CUX2: variants seen among roughly 807,000 people sequenced by gnomAD.
The protein encoded by CUX2 is cut like homeobox 2.
A neutral mutation model predicts 144.8 loss-of-function variants in CUX2; 40 were observed. The ratio of observed to expected loss-of-function variants is 0.28; its 90% confidence interval spans 0.21 to 0.36. The LOEUF (loss-of-function observed/expected upper bound fraction) is 0.36. Ranked by LOEUF, CUX2 falls within the 10% of genes least tolerant of loss-of-function variation. The pLI, the probability that CUX2 is intolerant of heterozygous loss-of-function variation, is 1.00. For synonymous variants in CUX2, 827 were observed against 875.6 expected (o/e 0.94, Z 0.98); for missense variants, 1,615 against 1,994.0 (o/e 0.81, Z 3.62).
chr12:111,283,123 TG>T (rs1361373609), intron 4 of CUX2, among the ~76,000 whole-genome samples: 1 of 151,126 alleles, frequency 6.6e-6, no homozygotes, highest in Non-Finnish European at 1.5e-5. Context: ...GAGGCTGAGG[TG>T]GGAGAATCAC....
intron 3 of CUX2, among the ~76,000 whole-genome samples, chr12:111,243,145 G>GA (rs1565869052): frequency 6.6e-6 from 1 of 151,916 alleles, no homozygotes; most frequent in African/African-American, 2.4e-5. Flanking sequence ...CTTTATTATG[G>GA]AAAAAATCCA....
intron 3 of CUX2, among the ~76,000 whole-genome samples, chr12:111,234,459 G>A (rs914052275): frequency 3.9e-5 from 6 of 152,124 alleles, no homozygotes; most frequent in Admixed American, 6.5e-5. Flanking sequence ...CATGCCCAAG[G>A]TCCACTTAAA....
Position 111,304,635 on chromosome 12 carries a change from C to T in CUX2, c.858+321C>T, listed in dbSNP as rs1015466699. On this transcript the variant is annotated intron_variant, in intron 10 of 21. Coordinates refer to ENST00000261726, the MANE Select transcript of CUX2 (RefSeq NM_015267.4). This position sits in a 1 kb window ranked among gnomAD's most constrained non-coding sequence, Gnocchi z 4.7. Reference sequence around the variant, plus strand: ...CCCAATTATCCAAGAATGCCAGGAACTTCCTCAGACCAAAGATCATTCTGA... The same window carrying T: ...CCCAATTATCCAAGAATGCCAGGAATTTCCTCAGACCAAAGATCATTCTGA... 7.2e-5 allele frequency among the ~76,000 whole-genome samples: 11 copies of T among 152,194 alleles called. No homozygotes were observed. The highest frequency in any genetic ancestry group is 1.2e-4 in the African/African-American group (5 of 41,442).
At chr12:111,175,410 G>A (rs1210048526) in intron 1 of CUX2, among the ~76,000 whole-genome samples, 1 of 148,620 alleles carries the variant, frequency 6.7e-6, no homozygotes, top group Admixed American at 6.7e-5. Context: ...TCCTCAAAGT[G>A]GTGAGAAACA....
chr12:111,347,588 G>T lies in CUX2; in HGVS notation c.3724G>T (p.Gly1242Trp). The change falls in exon 22 of 22, where the codon GGG becomes TGG. Residue 1242 changes from glycine (G) to tryptophan (W), a missense_variant. This residue lies in a region of CUX2 where 298 missense variants were observed against 330.4 expected (regional missense o/e 0.90). Coordinates refer to ENST00000261726, the MANE Select transcript of CUX2 (RefSeq NM_015267.4). ...GGATGAGCCAGACCTTGATCCAAGC[G>T]GGGGTCCTGGAATCCTACCGCCAGG... ...TQDEPDLDPS[G>W]GPGILPPGHS... The T allele has an allele frequency of 1.2e-6, 2 of 1,613,374 alleles. No individual in the cohort carries two copies. Among genetic ancestry groups the T allele is most frequent in the East Asian group, 2.2e-5 (1 of 44,856 alleles).
At chr12:111,095,094 A>G (rs1489328588) in intron 1 of CUX2, among the ~76,000 whole-genome samples, 1 of 152,038 alleles carries the variant, frequency 6.6e-6, no homozygotes, top group African/African-American at 2.4e-5. Flanking sequence ...CAGATACCCC[A>G]TAGCATCTCT....
intron 1 of CUX2, among the ~76,000 whole-genome samples, chr12:111,208,467 G>A (rs564252233): frequency 1.3e-5 from 2 of 152,296 alleles, no homozygotes; most frequent in Non-Finnish European, 2.9e-5. Context: ...AAACCCAGAC[G>A]AATTGAGAAT....
At chr12:111,197,511 C>T (rs1008263658) in intron 1 of CUX2, among the ~76,000 whole-genome samples, 2 of 152,216 alleles carry the variant, frequency 1.3e-5, no homozygotes, top group South Asian at 2.1e-4. Flanking sequence ...TGAATAAATG[C>T]GTACATGCTA....
chr12:111,074,412 A>G (rs1381244314), intron 1 of CUX2, among the ~76,000 whole-genome samples: 2 of 152,058 alleles, frequency 1.3e-5, no homozygotes, highest in Admixed American at 6.5e-5. Context: ...CCACCCGCCT[A>G]TTTCGCTAAA....
Position 111,310,741 on chromosome 12 carries a change from G to T in CUX2, c.1900+59G>T, listed in dbSNP as rs968193380. Reference sequence around the variant, plus strand: ...ACCACGCCAGGTCCAGGGCATCAGGGCTGGGGGCTGAGGACACGCGCTCTG... The same window carrying T: ...ACCACGCCAGGTCCAGGGCATCAGGTCTGGGGGCTGAGGACACGCGCTCTG... On this transcript the variant is annotated intron_variant, in intron 15 of 21. Coordinates refer to ENST00000261726, the MANE Select transcript of CUX2 (RefSeq NM_015267.4). This position sits in a 1 kb window ranked among gnomAD's most constrained non-coding sequence, Gnocchi z 7.9. 11 of 1,522,718 alleles carry T rather than the reference G, an allele frequency of 7.2e-6. No individual in the cohort carries two copies. In the Admixed American group the frequency reaches 7.6e-5, roughly 10 times the overall value. 94.3% of individuals were successfully genotyped at this position (1,522,718 alleles called of 1,614,324 possible).
chr12:111,078,782 C>T (rs1184895052), intron 1 of CUX2, among the ~76,000 whole-genome samples: 1 of 152,144 alleles, frequency 6.6e-6, no homozygotes. Context: ...TGGAAAAGGT[C>T]ACTCAGAGGC....
At chr12:111,177,951 C>T (rs1043959474) in intron 1 of CUX2, among the ~76,000 whole-genome samples, 5 of 152,190 alleles carry the variant, frequency 3.3e-5, no homozygotes, top group East Asian at 1.9e-4. Flanking sequence ...ATGCCCAGCG[C>T]GTAGTAAGCA....
At chr12:111,055,960 G>A (rs1592852950) in intron 1 of CUX2, among the ~76,000 whole-genome samples, 2 of 152,212 alleles carry the variant, frequency 1.3e-5, no homozygotes, top group South Asian at 2.1e-4. Flanking sequence ...ACTTAGCTGC[G>A]TGGCTCTCAG....
intron 1 of CUX2, among the ~76,000 whole-genome samples, chr12:111,044,194 G>A (rs944778697): frequency 6.6e-6 from 1 of 152,186 alleles, no homozygotes; most frequent in Admixed American, 6.5e-5. Context: ...TTGTCCCACA[G>A]GAAAGAAGAA....
chr12:111,083,624 G>A lies in CUX2; in HGVS notation c.63+49384G>A, dbSNP rs144981722. The stretch of plus-strand genomic sequence containing the variant: ...ACTGAGGTTTAGGAGGGAGTTAAGA[G>A]GCTGCTTCCTGTGCAGTTTAGTGAG... On this transcript the variant is annotated intron_variant, in intron 1 of 21. Transcript: ENST00000261726. Among the ~76,000 whole-genome samples, 33 of 152,284 alleles carry A rather than the reference G, an allele frequency of 2.2e-4. No homozygotes were observed. In the East Asian group the frequency reaches 6.2e-3, roughly 28 times the overall value.
chr12:111,152,897 C>T (rs1877139615), intron 1 of CUX2, among the ~76,000 whole-genome samples: 1 of 152,180 alleles, frequency 6.6e-6, no homozygotes, highest in African/African-American at 2.4e-5. Flanking sequence ...ATAAAGAAGG[C>T]ACCTTCTGGG....
chr12:111,338,133 T>C (rs536686292), intron 19 of CUX2, among the ~76,000 whole-genome samples, 153 bp from the exon 20 acceptor site: 1 of 152,202 alleles, frequency 6.6e-6, no homozygotes, highest in East Asian at 1.9e-4. Context: ...ACATCAGGTG[T>C]GGGTCCTCCG....
At chr12:111,126,705 G>T (rs1271911598) in intron 1 of CUX2, among the ~76,000 whole-genome samples, 2 of 152,158 alleles carry the variant, frequency 1.3e-5, no homozygotes, top group Non-Finnish European at 1.5e-5. Flanking sequence ...CCCCGTCACA[G>T]ATACCCCCAG....
At position 111,169,425 on chromosome 12, in the gene CUX2, G is replaced by A. The variant is rs1447659355; in HGVS notation, c.64-44775G>A. On this transcript the variant is annotated intron_variant, in intron 1 of 21. Transcript: ENST00000261726. ...TTGGTGGTAATTCATCACAGCGTCCGTAGGAACAGAACCCCCTTTCCCCAC... is the reference window on the plus strand; with the variant it reads ...TTGGTGGTAATTCATCACAGCGTCCATAGGAACAGAACCCCCTTTCCCCAC... Among the ~76,000 whole-genome samples the A allele has an allele frequency of 7.2e-5, 11 of 152,256 alleles. No homozygotes were observed. In the South Asian group the frequency reaches 1.7e-3, roughly 23 times the overall value.
Sources: gnomAD v4.1 joint callset for allele counts (sites outside exome capture counted in the v4.1 genomes callset) on GRCh38, gnomAD v4.1.1 for gene constraint, gnomAD v4.1.1 regional missense constraint, Gnocchi (gnomAD v3.1) non-coding constraint, MANE v1.5 for transcripts, NCBI Gene and HGNC (gene_info 2026-07-23, HGNC 2026-07-21) for gene names.